IGF2BP3: variants seen among roughly 807,000 people sequenced by gnomAD.
The protein encoded by IGF2BP3 is insulin-like growth factor 2 mRNA-binding protein 3.
Under a neutral mutation model 73.8 loss-of-function variants are expected in IGF2BP3, and 9 were observed. That is an observed-to-expected ratio of 0.12 (90% CI 0.07 to 0.21). IGF2BP3 has a LOEUF of 0.21. IGF2BP3 is among the 10% of genes least tolerant of loss of function. The probability of loss-of-function intolerance (pLI) is 1.00; values close to 1 mark genes in which losing one functional copy is unlikely to be tolerated. For missense variants in IGF2BP3, 542 were observed against 714.0 expected (o/e 0.76, Z 2.75); for synonymous variants, 258 against 256.7 (o/e 1.01, Z -0.05).
chr7:23,458,636 T>G (rs1037197892), intron 2 of IGF2BP3, among the ~76,000 whole-genome samples: 6 of 151,756 alleles, frequency 4.0e-5, no homozygotes, highest in Non-Finnish European at 5.9e-5. Context: ...CTCCAACTTC[T>G]CCGCAAGCCA....
intron 2 of IGF2BP3, among the ~76,000 whole-genome samples, chr7:23,466,389 C>A (rs980453255): frequency 6.6e-6 from 1 of 152,188 alleles, no homozygotes; most frequent in Non-Finnish European, 1.5e-5. Context: ...GTAAAAACAA[C>A]CTCCAATGTT....
chr7:23,400,449 T>A (rs1217609678), intron 3 of IGF2BP3, among the ~76,000 whole-genome samples: 3 of 152,142 alleles, frequency 2.0e-5, no homozygotes, highest in Non-Finnish European at 4.4e-5. Flanking sequence ...AGGTTCTTCA[T>A]ATCTCTGTGT....
At chr7:23,467,340 G>C (rs1788587462) in intron 2 of IGF2BP3, among the ~76,000 whole-genome samples, 1 of 152,142 alleles carries the variant, frequency 6.6e-6, no homozygotes, top group African/African-American at 2.4e-5. Flanking sequence ...AAACCCTCCT[G>C]CTCTCCAGCA....
intron 12 of IGF2BP3, 112 bp downstream of exon 12, chr7:23,317,527 G>A: frequency 1.3e-6 from 1 of 773,900 alleles, no homozygotes; most frequent in South Asian, 1.6e-5. Context: ...TCTTAGATAA[G>A]AATTTCCATT....
At chr7:23,383,024 G>A (rs274025) in intron 3 of IGF2BP3, among the ~76,000 whole-genome samples, 8,364 of 151,830 alleles carry the variant, frequency 0.055, 381 homozygotes, top group African/African-American at 0.12. Flanking sequence ...CTATGATGGC[G>A]CCATTGCACT....
intron 3 of IGF2BP3, among the ~76,000 whole-genome samples, chr7:23,408,571 A>T (rs79082824): frequency 2.6e-5 from 4 of 152,376 alleles, no homozygotes; most frequent in African/African-American, 9.6e-5. Flanking sequence ...AAAACAGTAC[A>T]GCTGCTATGG....
At chr7:23,335,581 G>T (rs1423846502) in intron 10 of IGF2BP3, among the ~76,000 whole-genome samples, 1 of 151,748 alleles carries the variant, frequency 6.6e-6, no homozygotes, top group Non-Finnish European at 1.5e-5. Flanking sequence ...CTGGCCCTTT[G>T]TTTCTTAAAG....
intron 3 of IGF2BP3, among the ~76,000 whole-genome samples, chr7:23,367,878 G>A (rs1287120202): frequency 6.6e-6 from 1 of 152,092 alleles, no homozygotes; most frequent in Non-Finnish European, 1.5e-5. Flanking sequence ...GCACGCACCT[G>A]TAGTCCCAGC....
At chr7:23,313,466 T>C in intron 13 of IGF2BP3, 56 bp downstream of exon 13, 2 of 1,587,286 alleles carry the variant, frequency 1.3e-6, no homozygotes, top group Non-Finnish European at 1.7e-6. Context: ...AACTCCTAAG[T>C]ACCTTTCAAC....
chr7:23,347,713 T>A lies in IGF2BP3; in HGVS notation c.705A>T (p.Glu235Asp). The change falls in exon 7 of 15, where the codon GAA (glutamate) becomes GAT (aspartate). Residue 235 changes from glutamate (E) to aspartate (D), a missense_variant. This residue lies in a region of IGF2BP3 where 303 missense variants were observed against 472.1 expected (regional missense o/e 0.64). Transcript: ENST00000258729. The stretch of plus-strand genomic sequence containing the variant: ...TCGACTTCTCAGCAGCCCCCGCATT[T>A]TCTTTACGGTGGACATCGATTCTGA... ...TQSKIDVHRK[E>D]NAGAAEKSIT... 1 of 1,614,100 alleles carries A rather than the reference T, an allele frequency of 6.2e-7. No individual in the cohort carries two copies. Among genetic ancestry groups the A allele is most frequent in the African/African-American group, 1.3e-5 (1 of 75,034 alleles).
chr7:23,445,582 A>G (rs772005805), intron 2 of IGF2BP3, among the ~76,000 whole-genome samples: 14 of 152,080 alleles, frequency 9.2e-5, no homozygotes, highest in Non-Finnish European at 1.0e-4. Context: ...ATTCCATTAG[A>G]TTTGTTTCGG....
At chr7:23,327,361 A>C (rs967365899) in intron 10 of IGF2BP3, among the ~76,000 whole-genome samples, 19 of 150,388 alleles carry the variant, frequency 1.3e-4, no homozygotes, top group African/African-American at 4.6e-4. Context: ...GCTCACTGCA[A>C]GCTCCGCCTC....
intron 10 of IGF2BP3, among the ~76,000 whole-genome samples, chr7:23,326,623 T>A (rs1390562113): frequency 6.6e-6 from 1 of 151,006 alleles, no homozygotes; most frequent in East Asian, 1.9e-4. Context: ...CACACGTATG[T>A]TTATTGCGGC....
chr7:23,320,947 CAAAAAA>C (rs70966008), intron 10 of IGF2BP3, among the ~76,000 whole-genome samples: 203 of 96,412 alleles, frequency 2.1e-3, no homozygotes, highest in African/African-American at 5.3e-3. Context: ...AACTCTGTCT[CAAAAAA>C]AAAAAAAAAA....
intron 2 of IGF2BP3, among the ~76,000 whole-genome samples, chr7:23,421,718 C>T (rs1021282270): frequency 2.0e-5 from 3 of 150,964 alleles, no homozygotes; most frequent in African/African-American, 7.3e-5. Flanking sequence ...GGTGCTCACA[C>T]TGTATTTACC....
intron 3 of IGF2BP3, among the ~76,000 whole-genome samples, chr7:23,382,677 A>G (rs1203385593): frequency 6.6e-6 from 1 of 152,060 alleles, no homozygotes; most frequent in African/African-American, 2.4e-5. Flanking sequence ...GGCCTTGCCC[A>G]TTAGTGACAC....
At chr7:23,318,275 T>G (rs957438153) in intron 11 of IGF2BP3, among the ~76,000 whole-genome samples, 2 of 152,120 alleles carry the variant, frequency 1.3e-5, no homozygotes, top group African/African-American at 4.8e-5. Context: ...TAGGCTGGAG[T>G]GCAGTGGTGT....
rs556194891 is a variant in IGF2BP3 at position 23,415,468 on chromosome 7, G to C, written c.285+3308C>G. ...ATCCGCAGGTCCCCCTCCGTCAGTC[G>C]GCATCACCGCATCCGCAGGTCCCCC... On this transcript the variant is annotated intron_variant, in intron 3 of 14. Coordinates refer to ENST00000258729, the MANE Select transcript of IGF2BP3 (RefSeq NM_006547.3). 8 of 179,938 alleles carry C rather than the reference G, an allele frequency of 4.4e-5. No individual in the cohort carries two copies. In the South Asian group the frequency reaches 5.7e-4, roughly 13 times the overall value. 11.1% of individuals were successfully genotyped at this position (179,938 alleles called of 1,614,324 possible).
At chr7:23,387,249 T>A (rs1270219598) in intron 3 of IGF2BP3, among the ~76,000 whole-genome samples, 1 of 152,106 alleles carries the variant, frequency 6.6e-6, no homozygotes, top group Non-Finnish European at 1.5e-5. Flanking sequence ...TGGGAAAAAC[T>A]TCACACAAGT....
Sources: gnomAD v4.1 joint callset for allele counts (sites outside exome capture counted in the v4.1 genomes callset) on GRCh38, gnomAD v4.1.1 for gene constraint, gnomAD v4.1.1 regional missense constraint, MANE v1.5 for transcripts, NCBI Gene and HGNC (gene_info 2026-07-23, HGNC 2026-07-21) for gene names.